CRTAC1: variants seen among roughly 807,000 people sequenced by gnomAD.
CRTAC1 encodes the protein cartilage acidic protein 1.
CRTAC1 carries 37 observed loss-of-function variants against 67.8 expected under a neutral mutation model. The ratio of observed to expected loss-of-function variants is 0.55; its 90% CI spans 0.42 to 0.72. The LOEUF (loss-of-function observed/expected upper bound fraction) is 0.72, where lower values mean the gene tolerates loss of function less well. Among genes scored for constraint, CRTAC1 ranks in the 30% least tolerant of loss-of-function variants. The probability of loss-of-function intolerance (pLI) is 0.00; values close to 1 mark genes in which losing one functional copy is unlikely to be tolerated. For missense variants in CRTAC1, 780 were observed against 931.6 expected (o/e 0.84, Z 2.12); for synonymous variants, 348 against 371.0 (o/e 0.94, Z 0.71).
intron 8 of CRTAC1, among the ~76,000 whole-genome samples, chr10:97,900,862 G>A (rs372269083): frequency 3.6e-4 from 40 of 110,908 alleles, no homozygotes; most frequent in East Asian, 2.6e-3. Flanking sequence ...ATTGGACCCC[G>A]TAGCCCCTTT....
intron 2 of CRTAC1, among the ~76,000 whole-genome samples, chr10:97,990,718 C>T (rs896576602): frequency 6.6e-5 from 10 of 152,174 alleles, no homozygotes; most frequent in African/African-American, 2.4e-4. Flanking sequence ...TCACCACTAA[C>T]CTCCAGGGCT....
chr10:97,871,725 A>G (rs993376898), intron 14 of CRTAC1: 2 of 152,154 alleles, frequency 1.3e-5, no homozygotes, highest in Non-Finnish European at 2.9e-5. Flanking sequence ...CTGACTCCAG[A>G]TCCCACTCTC....
chr10:97,894,057 T>C (rs2050415749), intron 11 of CRTAC1, among the ~76,000 whole-genome samples: 1 of 152,212 alleles, frequency 6.6e-6, no homozygotes, highest in African/African-American at 2.4e-5. Flanking sequence ...TATGAACAAA[T>C]GTAAAGATGT....
At chr10:97,901,054 G>A (rs1268544597) in intron 8 of CRTAC1, among the ~76,000 whole-genome samples, 27 of 133,794 alleles carry the variant, frequency 2.0e-4, no homozygotes, top group East Asian at 1.6e-3. Context: ...ATTGGACCCC[G>A]TAGCCCCTTT....
intron 14 of CRTAC1, among the ~76,000 whole-genome samples, chr10:97,874,228 C>T (rs961326398): frequency 2.6e-5 from 4 of 152,182 alleles, no homozygotes; most frequent in African/African-American, 7.2e-5. Context: ...GGGAAGAGGA[C>T]TAGATGACTT....
intron 3 of CRTAC1, among the ~76,000 whole-genome samples, chr10:97,929,433 T>C (rs1380516495): frequency 6.6e-6 from 1 of 152,196 alleles, no homozygotes; most frequent in Non-Finnish European, 1.5e-5. Context: ...TGGATCAGAA[T>C]GCCTCCTCCC....
intron 2 of CRTAC1, among the ~76,000 whole-genome samples, chr10:97,993,417 A>G (rs965208800): frequency 8.5e-5 from 13 of 152,244 alleles, no homozygotes; most frequent in African/African-American, 3.1e-4. Flanking sequence ...TGTGCTGAAC[A>G]TGGAATGAGT....
chr10:97,900,372 A>G lies in CRTAC1; in HGVS notation c.1133+1131T>C, dbSNP rs1465526006. The stretch of plus-strand genomic sequence containing the variant: ...GAATACTCCATCCATCTTTTGGAAA[A>G]TTAAAATATTTATGGTCAAGTTAAA... On this transcript the variant is annotated intron_variant, in intron 8 of 14. Coordinates refer to ENST00000370597, the MANE Select transcript of CRTAC1 (RefSeq NM_018058.7). Among the ~76,000 whole-genome samples the G allele has an allele frequency of 2.0e-5, 3 of 152,272 alleles. No individual in the cohort carries two copies. The East Asian group carries it at 5.8e-4, about 29-fold the overall frequency.
intron 11 of CRTAC1, among the ~76,000 whole-genome samples, chr10:97,890,967 G>A (rs1485278965): frequency 1.3e-5 from 2 of 152,194 alleles, no homozygotes; most frequent in East Asian, 1.9e-4. Flanking sequence ...GCACCCGGCT[G>A]CATTTTCTTT....
chr10:97,915,724 C>T (rs771735379), intron 5 of CRTAC1, among the ~76,000 whole-genome samples: 8 of 151,356 alleles, frequency 5.3e-5, no homozygotes, highest in African/African-American at 1.2e-4. Context: ...GGGGGCTTGG[C>T]GGGCAGGGAA....
rs2050638428 is a variant in CRTAC1, at chr10:97,908,077, A to T, written c.786T>A (p.Asn262Lys). The change falls in exon 6 of 15, where the codon AAT becomes AAA. Residue 262 changes from asparagine (N) to lysine (K), a missense_variant. By Grantham distance (94) the Asn-to-Lys change is moderately conservative. Transcript: ENST00000370597. ...GGTTGTGGAAAAGGAAGTTAGGCCC[A>T]TTCTCATTGTCGCAGAAGATATCCG... ...SASDIFCDNE[N>K]GPNFLFHNRG... 6.2e-7 allele frequency: 1 copy of T among 1,614,084 alleles called. No individual in the cohort carries two copies. Among genetic ancestry groups the T allele is most frequent in the Non-Finnish European group, 8.5e-7 (1 of 1,180,032 alleles).
At chr10:97,953,722 C>T (rs1384979561) in intron 2 of CRTAC1, among the ~76,000 whole-genome samples, 2 of 152,244 alleles carry the variant, frequency 1.3e-5, no homozygotes, top group African/African-American at 4.8e-5. Flanking sequence ...GCCCAAGTCA[C>T]ACCACTGGAA....
chr10:98,001,092 T>C (rs539482816), intron 2 of CRTAC1, among the ~76,000 whole-genome samples: 16 of 152,292 alleles, frequency 1.1e-4, no homozygotes, highest in Admixed American at 5.2e-4. Flanking sequence ...CACTTCATGA[T>C]AATGGGTCCG....
At chr10:97,940,096 T>C (rs1449328916) in intron 2 of CRTAC1, among the ~76,000 whole-genome samples, 3 of 152,202 alleles carry the variant, frequency 2.0e-5, no homozygotes, top group Admixed American at 2.0e-4. Flanking sequence ...ATAAAAATAA[T>C]CATGGGTAGC....
chr10:97,900,761 AGCCCGTAGC>A (rs2050525498), intron 8 of CRTAC1, among the ~76,000 whole-genome samples: 3 of 113,658 alleles, frequency 2.6e-5, no homozygotes, highest in Admixed American at 8.1e-5. Context: ...TAGTGATTGG[AGCCCGTAGC>A]CCCTTTTCCT....
chr10:97,936,335 C>T lies in CRTAC1; in HGVS notation c.256G>A (p.Asp86Asn). The change falls in exon 3 of 15, where the codon GAC (aspartate) becomes AAC (asparagine). Residue 86 changes from aspartate (D) to asparagine (N), a missense_variant. Coordinates refer to ENST00000370597, the MANE Select transcript of CRTAC1 (RefSeq NM_018058.7). ...TTCACCAGCCGCTTCTGGGCCCGGT[C>T]ATACTTCAGAACCAGGTTGGGTCCA... is the stretch of plus-strand genomic sequence containing the variant. The part of the protein sequence containing the change: ...YNGPNLVLKY[D>N]RAQKRLVNIA... 1 of 1,612,580 alleles carries T rather than the reference C, an allele frequency of 6.2e-7. No homozygotes were observed. The highest frequency in any genetic ancestry group is 1.3e-5 in the African/African-American group (1 of 75,046).
intron 2 of CRTAC1, among the ~76,000 whole-genome samples, chr10:97,952,936 T>C (rs1346938357): frequency 6.6e-6 from 1 of 152,224 alleles, no homozygotes; most frequent in Non-Finnish European, 1.5e-5. Flanking sequence ...TCCCTGAGGA[T>C]GGAGAATAAC....
chr10:97,932,908 C>T (rs949592736), intron 3 of CRTAC1, among the ~76,000 whole-genome samples: 2 of 152,216 alleles, frequency 1.3e-5, no homozygotes, highest in African/African-American at 2.4e-5. Flanking sequence ...CAGGTTTGTA[C>T]AAAATGACTC....
At chr10:97,926,670 G>T (rs1234113170) in intron 3 of CRTAC1, among the ~76,000 whole-genome samples, 1 of 152,174 alleles carries the variant, frequency 6.6e-6, no homozygotes, top group Non-Finnish European at 1.5e-5. Flanking sequence ...GATAAATAAA[G>T]CCTATAAATA....
Sources: allele counts gnomAD v4.1 joint callset (sites outside exome capture counted in the v4.1 genomes callset), GRCh38; gene constraint gnomAD v4.1.1; transcripts MANE v1.5; gene names NCBI Gene and HGNC (gene_info 2026-07-23, HGNC 2026-07-21).